Variants in ANO3 observed in about 807,000 individuals in gnomAD.
ANO3 encodes anoctamin-3.
In ANO3, 99 loss-of-function variants were observed where a neutral mutation model predicts 144.8. The ratio of observed to expected loss-of-function variants is 0.68; its 90% CI spans 0.58 to 0.81. The LOEUF (loss-of-function observed/expected upper bound fraction) is 0.81, where lower values mean the gene tolerates loss of function less well. Ranked by LOEUF, ANO3 falls within the 30% of genes least tolerant of loss-of-function variation. The probability of loss-of-function intolerance (pLI) is 0.00; values close to 1 mark genes in which losing one functional copy is unlikely to be tolerated. For synonymous variants in ANO3, 414 were observed against 392.6 expected (o/e 1.05, Z -0.64); for missense variants, 905 against 1,202.2 (o/e 0.75, Z 3.66).
intron 1 of ANO3, among the ~76,000 whole-genome samples, chr11:26,340,848 G>A (rs995746820): frequency 6.6e-5 from 10 of 152,110 alleles, no homozygotes; most frequent in African/African-American, 2.4e-4. Flanking sequence ...TGGCTGTCTT[G>A]TCTTGTTTAT....
At chr11:26,564,330 C>A (rs564478470) in intron 14 of ANO3, among the ~76,000 whole-genome samples, 39 of 151,538 alleles carry the variant, frequency 2.6e-4, no homozygotes, top group South Asian at 2.3e-3. Context: ...CTGGCAACAA[C>A]ATTCAAACAG....
At chr11:26,534,706 C>A in intron 9 of ANO3, 144 bp downstream of exon 9, 1 of 466,336 alleles carries the variant, frequency 2.1e-6, no homozygotes, top group Non-Finnish European at 3.7e-6. Flanking sequence ...ATAAGCATTC[C>A]ATTTTTCAGC....
chr11:26,487,897 G>C (rs111367523), intron 4 of ANO3, among the ~76,000 whole-genome samples: 3 of 152,330 alleles, frequency 2.0e-5, no homozygotes, highest in African/African-American at 7.2e-5. Flanking sequence ...GCCAAGTGCA[G>C]TAGCTCACGC....
chr11:26,251,757 C>G lies in ANO3; in HGVS notation c.155-57888C>G, dbSNP rs74777206. 2.0e-5 allele frequency among the ~76,000 whole-genome samples: 3 copies of G among 152,166 alleles called. No individual in the cohort carries two copies. In the East Asian group the frequency reaches 5.8e-4, roughly 29 times the overall value. On this transcript the variant is annotated intron_variant, in intron 1 of 27. Coordinates refer to the ANO3 transcript ENST00000672621. ...CGAAGGGGAAACAAAGCACATCACA[C>G]ATGGTGGCAGGACAGAGTGTGTGAG...
intron 1 of ANO3, among the ~76,000 whole-genome samples, chr11:26,326,366 C>T (rs1337274682): frequency 2.0e-5 from 3 of 152,078 alleles, no homozygotes; most frequent in East Asian, 1.9e-4. Context: ...TAAACCTTTT[C>T]GCCCCATCTC....
intron 17 of ANO3, among the ~76,000 whole-genome samples, chr11:26,623,900 C>T (rs1467364512): frequency 6.6e-6 from 1 of 152,104 alleles, no homozygotes; most frequent in Non-Finnish European, 1.5e-5. Context: ...CATTCTCCTG[C>T]CTCAGCCTCC....
intron 1 of ANO3, among the ~76,000 whole-genome samples, chr11:26,318,562 A>G (rs1854682065): frequency 6.6e-6 from 1 of 152,242 alleles, no homozygotes; most frequent in African/African-American, 2.4e-5. Context: ...TAAAAGAATC[A>G]GAGAACAATT....
chr11:26,609,870 G>A (rs1852044345), intron 17 of ANO3, among the ~76,000 whole-genome samples: 1 of 152,114 alleles, frequency 6.6e-6, no homozygotes, highest in Admixed American at 6.5e-5. Context: ...GTGTGTAAGT[G>A]TTCCCTTTTC....
intron 7 of ANO3, 121 bp downstream of exon 7, chr11:26,525,800 C>T (rs777386292): frequency 5.8e-6 from 4 of 695,504 alleles, no homozygotes; most frequent in Non-Finnish European, 9.5e-6. Flanking sequence ...ATTGATTTGT[C>T]GAAGATATTT....
chr11:26,622,217 T>C (rs980765390), intron 17 of ANO3, among the ~76,000 whole-genome samples: 2 of 152,112 alleles, frequency 1.3e-5, no homozygotes, highest in Non-Finnish European at 2.9e-5. Context: ...AATTTATAAC[T>C]TTTTTCCCAG....
chr11:26,220,166 A>G (rs1852113491), intron 1 of ANO3, among the ~76,000 whole-genome samples: 1 of 152,202 alleles, frequency 6.6e-6, no homozygotes, highest in Non-Finnish European at 1.5e-5. Context: ...ATTTTATATG[A>G]ACAGTGACTT....
At chr11:26,283,691 TAG>T (rs1853736775) in intron 1 of ANO3, among the ~76,000 whole-genome samples, 1 of 152,142 alleles carries the variant, frequency 6.6e-6, no homozygotes, top group African/African-American at 2.4e-5. Context: ...ATCTATTCAA[TAG>T]AGACTTTAAA....
At chr11:26,462,553 GTTTA>G (rs1213784066) in intron 3 of ANO3, among the ~76,000 whole-genome samples, 1 of 151,692 alleles carries the variant, frequency 6.6e-6, no homozygotes, top group Admixed American at 6.6e-5. Context: ...TTCTTGTAAT[GTTTA>G]TTAAGATATT....
chr11:26,239,567 T>G (rs531187564), intron 1 of ANO3, among the ~76,000 whole-genome samples: 1 of 152,320 alleles, frequency 6.6e-6, no homozygotes, highest in East Asian at 1.9e-4. Flanking sequence ...TTTTCCTTTC[T>G]TGCTACTATA....
chr11:26,377,721 A>T (rs554066133), intron 1 of ANO3, among the ~76,000 whole-genome samples: 1 of 152,214 alleles, frequency 6.6e-6, no homozygotes, highest in South Asian at 2.1e-4. Flanking sequence ...ACATATCTAG[A>T]CCCATTGTAG....
intron 14 of ANO3, among the ~76,000 whole-genome samples, chr11:26,562,885 C>G (rs1409508632): frequency 6.6e-6 from 1 of 151,830 alleles, no homozygotes; most frequent in Non-Finnish European, 1.5e-5. Context: ...TATTTAAAAC[C>G]AATTTTGATG....
chr11:26,578,807 G>C (rs1284117323), intron 14 of ANO3, among the ~76,000 whole-genome samples: 1 of 152,238 alleles, frequency 6.6e-6, no homozygotes, highest in East Asian at 1.9e-4. Flanking sequence ...TTCTGAAATA[G>C]AGCCTTTTCT....
intron 1 of ANO3, among the ~76,000 whole-genome samples, chr11:26,380,673 CA>C (rs1856565423): frequency 6.6e-6 from 1 of 152,164 alleles, no homozygotes; most frequent in African/African-American, 2.4e-5. Context: ...CAGAGAGACA[CA>C]AGCATTCATA....
rs764350458 is a variant in ANO3 at position 26,563,294 on chromosome 11, A to G, written c.1447+3515A>G. On this transcript the variant is annotated intron_variant, in intron 14 of 26. Coordinates refer to ENST00000256737, the MANE Select transcript of ANO3 (RefSeq NM_031418.4). ...CAGGACAAAAAAAATTTAAAGAAAT[A>G]TAAAATAATTATTCAAAGAACCGAA... is the stretch of plus-strand genomic sequence containing the variant. 3.3e-5 allele frequency: 51 copies of G among 1,561,962 alleles called. No individual in the cohort carries two copies. In the East Asian group the frequency reaches 1.1e-3, roughly 35 times the overall value.
Sources: allele counts gnomAD v4.1 joint callset (sites outside exome capture counted in the v4.1 genomes callset), GRCh38; gene constraint gnomAD v4.1.1; transcripts MANE v1.5; gene names NCBI Gene and HGNC (gene_info 2026-07-23, HGNC 2026-07-21).